Variants in ABCC4 observed in about 807,000 individuals in gnomAD.
ABCC4 encodes the protein ATP-binding cassette sub-family C member 4.
A neutral mutation model predicts 168.5 loss-of-function variants in ABCC4; 102 were observed. The ratio of observed to expected loss-of-function variants is 0.61; its 90% CI spans 0.52 to 0.71. The LOEUF (loss-of-function observed/expected upper bound fraction) is 0.71. Among genes scored for constraint, ABCC4 ranks in the 30% least tolerant of loss-of-function variants. ABCC4 has a pLI of 0.00. For synonymous variants in ABCC4, 617 were observed against 590.7 expected, an observed-to-expected ratio of 1.04 and a Z score of -0.65; for missense variants, 1,402 against 1,605.8, an observed-to-expected ratio of 0.87 and a Z score of 2.17.
chr13:95,109,945 T>C (rs1206326082), intron 20 of ABCC4, among the ~76,000 whole-genome samples: 1 of 151,970 alleles, frequency 6.6e-6, no homozygotes, highest in Non-Finnish European at 1.5e-5. Context: ...CTCTGCATAC[T>C]CAGCATATAG....
chr13:95,272,980 C>CA lies in ABCC4; in HGVS notation c.75-25228_75-25227insT, dbSNP rs2040882643. ...ACAAAATCATACACACACACACACA[C>CA]CCCCTACAGGACCCCAATGACTTTA... On this transcript the variant is annotated intron_variant, in intron 1 of 30. Transcript: ENST00000645237. Among the ~76,000 whole-genome samples, 3 of 152,250 alleles carry CA rather than the reference C, an allele frequency of 2.0e-5. No homozygotes were observed. In the South Asian group the frequency reaches 6.2e-4, roughly 32 times the overall value.
chr13:95,220,109 A>C (rs1408686221), intron 4 of ABCC4, among the ~76,000 whole-genome samples: 1 of 151,264 alleles, frequency 6.6e-6, no homozygotes, highest in Non-Finnish European at 1.5e-5. Context: ...CAAGTGATCC[A>C]CCTGCCTTGG....
intron 17 of ABCC4, 152 bp downstream of exon 17, chr13:95,163,458 A>T (rs1244556670): frequency 2.7e-6 from 2 of 751,338 alleles, no homozygotes; most frequent in Admixed American, 2.7e-5. Flanking sequence ...CGCAGTTTAC[A>T]CTCCACCAGC....
chr13:95,031,894 A>G lies in ABCC4; in HGVS notation c.3870+2711T>C, dbSNP rs575670499. ...ACTCCATGCCTTGATAATATATAAC[A>G]TATTTTTTAAATAGGTATTTTGATA... On this transcript the variant is annotated intron_variant, in intron 30 of 30. Transcript: ENST00000645237. 5.6e-3 allele frequency among the ~76,000 whole-genome samples: 854 copies of G among 152,300 alleles called. 8 individuals are homozygous for G. Among genetic ancestry groups the G allele is most frequent in the Non-Finnish European group, 8.3e-3 (567 of 68,018 alleles).
intron 5 of ABCC4, 79 bp from the exon 6 acceptor site, chr13:95,209,676 T>C: frequency 7.4e-7 from 1 of 1,358,070 alleles, no homozygotes; most frequent in South Asian, 1.5e-5. Flanking sequence ...AACGATCCAC[T>C]GGAAAAGAAC....
chr13:95,275,365 A>C (rs2040947296), intron 1 of ABCC4, among the ~76,000 whole-genome samples: 1 of 152,252 alleles, frequency 6.6e-6, no homozygotes, highest in African/African-American at 2.4e-5. Context: ...TAAATAAATA[A>C]GCACAGATTT....
At chr13:95,093,303 G>C (rs1195259881) in intron 20 of ABCC4, among the ~76,000 whole-genome samples, 1 of 152,118 alleles carries the variant, frequency 6.6e-6, no homozygotes, top group East Asian at 1.9e-4. Flanking sequence ...CAAAATACTT[G>C]TTAACTGAAT....
intron 30 of ABCC4, among the ~76,000 whole-genome samples, chr13:95,029,205 TATATATATAG>T (rs2031721292): frequency 1.9e-5 from 1 of 53,600 alleles, no homozygotes; most frequent in African/African-American, 7.0e-5. Flanking sequence ...TATATATATA[TATATATATAG>T]AGAGAGAGAG....
chr13:95,282,824 T>C (rs748513672), intron 1 of ABCC4, among the ~76,000 whole-genome samples: 3 of 151,938 alleles, frequency 2.0e-5, no homozygotes, highest in Non-Finnish European at 4.4e-5. Context: ...TGAGCCACCG[T>C]GTCCAGCCTA....
chr13:95,152,514 C>G (rs577437060), intron 19 of ABCC4, among the ~76,000 whole-genome samples: 2 of 152,168 alleles, frequency 1.3e-5, no homozygotes, highest in South Asian at 4.1e-4. Context: ...GCAAGGAAGA[C>G]AAGGGGGAAA....
At chr13:95,064,498 C>CAG (rs57109277) in intron 25 of ABCC4, among the ~76,000 whole-genome samples, 3,822 of 99,208 alleles carry the variant, frequency 0.039, 160 homozygotes, top group African/African-American at 0.12. Flanking sequence ...CACACACACA[C>CAG]ACGTGTATGT....
intron 21 of ABCC4, among the ~76,000 whole-genome samples, chr13:95,080,450 T>C (rs2034057139): frequency 6.6e-6 from 1 of 152,154 alleles, no homozygotes; most frequent in African/African-American, 2.4e-5. Flanking sequence ...CAGGCTGGAG[T>C]GCAATGGTGC....
At chr13:95,099,050 T>C (rs982481761) in intron 20 of ABCC4, among the ~76,000 whole-genome samples, 4 of 152,176 alleles carry the variant, frequency 2.6e-5, no homozygotes, top group Admixed American at 6.5e-5. Context: ...AATGAAAACA[T>C]ATGTAGTGTA....
intron 20 of ABCC4, among the ~76,000 whole-genome samples, chr13:95,090,659 G>A (rs2034402971): frequency 6.6e-6 from 1 of 152,150 alleles, no homozygotes; most frequent in South Asian, 2.1e-4. Context: ...CCCTCTGACA[G>A]AGCCTACCCA....
chr13:95,301,226 G>A lies in ABCC4; in HGVS notation c.74+15C>T. 1.3e-6 allele frequency: 2 copies of A among 1,580,310 alleles called. No homozygotes were observed. Among genetic ancestry groups the A allele is most frequent in the Non-Finnish European group, 1.7e-6 (2 of 1,164,460 alleles). On this transcript the variant is annotated intron_variant, in intron 1 of 30. Transcript: ENST00000645237. ...AGCGGCTGCAGGGTGACCTGTTTCG[G>A]GCGGGGACACTCACCAGAAGAACAC...
intron 1 of ABCC4, among the ~76,000 whole-genome samples, chr13:95,248,437 G>A (rs367567875): frequency 9.9e-5 from 15 of 151,998 alleles, no homozygotes; most frequent in East Asian, 3.9e-4. Flanking sequence ...TATTAGTTAC[G>A]AAAGGACAAA....
chr13:95,084,877 A>C (rs970551585), intron 20 of ABCC4, among the ~76,000 whole-genome samples: 1 of 152,246 alleles, frequency 6.6e-6, no homozygotes, highest in Non-Finnish European at 1.5e-5. Context: ...CAAAAGCAAG[A>C]AGCATAAAAA....
At chr13:95,253,958 T>G (rs1287927896) in intron 1 of ABCC4, among the ~76,000 whole-genome samples, 1 of 152,102 alleles carries the variant, frequency 6.6e-6, no homozygotes, top group Non-Finnish European at 1.5e-5. Context: ...AGTGGCGCAA[T>G]CATACCTCAC....
At position 95,301,289 on chromosome 13, in the gene ABCC4, T is replaced by A; in HGVS notation, c.26A>T (p.Lys9Met). ...GTTCGCGTCCTGCAGCGGGTTGGGC[T>A]TCACCTCCTGGTACACGGGCAGCAT... MLPVYQEV[K>M]PNPLQDANLC... Residue 9 changes from lysine to methionine, a missense_variant, in exon 1 of 31, where the codon AAG becomes ATG. Lys to Met is a moderately conservative substitution (Grantham distance 95). Transcript: ENST00000645237. 1.3e-6 allele frequency: 2 copies of A among 1,595,866 alleles called. No homozygotes were observed. Among genetic ancestry groups the A allele is most frequent in the Non-Finnish European group, 1.7e-6 (2 of 1,171,900 alleles).
Sources: gnomAD v4.1 joint callset for allele counts (sites outside exome capture counted in the v4.1 genomes callset) on GRCh38, gnomAD v4.1.1 for gene constraint, MANE v1.5 for transcripts, NCBI Gene and HGNC (gene_info 2026-07-23, HGNC 2026-07-21) for gene names.